Variants in BAZ1B observed in about 807,000 individuals in gnomAD.
BAZ1B encodes tyrosine-protein kinase BAZ1B.
In BAZ1B, 22 loss-of-function variants were observed where a neutral mutation model predicts 153.8. The observed-to-expected ratio is 0.14, with a 90% CI of 0.10 to 0.20. The LOEUF is 0.20. BAZ1B is among the 10% of genes least tolerant of loss of function. The probability of loss-of-function intolerance (pLI) is 1.00; values close to 1 mark genes in which losing one functional copy is unlikely to be tolerated. For synonymous variants in BAZ1B, 676 were observed against 633.4 expected (o/e 1.07, Z -1.01); for missense variants, 1,325 against 1,799.3 (o/e 0.74, Z 4.77).
intron 13 of BAZ1B, among the ~76,000 whole-genome samples, chr7:73,455,365 G>C (rs570700101): frequency 1.3e-5 from 2 of 152,192 alleles, no homozygotes; most frequent in African/African-American, 4.8e-5. Context: ...ATAATGTAAT[G>C]TTCTCAAATT....
intron 1 of BAZ1B, among the ~76,000 whole-genome samples, chr7:73,511,157 A>G (rs561930006): frequency 6.6e-6 from 1 of 152,116 alleles, no homozygotes; most frequent in South Asian, 2.1e-4. Flanking sequence ...AGTCCCAGCT[A>G]CTCAGGAGGC....
At chr7:73,470,617 ATC>A in intron 7 of BAZ1B, 134 bp from the exon 8 acceptor site, 6 of 1,071,778 alleles carry the variant, frequency 5.6e-6, no homozygotes, top group Non-Finnish European at 7.8e-6. Context: ...TCTAATTCTA[ATC>A]TGTTACAAGA....
Position 73,442,956 on chromosome 7 carries a change from G to A in BAZ1B, c.3991-128C>T, listed in dbSNP as rs1787684140. ...ACTATTTCCTTGGCGCAGAGGTGCTGAAACCTTCTGATATTCAAGTCAGGG... is the reference window on the plus strand; with the variant it reads ...ACTATTTCCTTGGCGCAGAGGTGCTAAAACCTTCTGATATTCAAGTCAGGG... On this transcript the variant is annotated intron_variant, in intron 17 of 19. Coordinates refer to ENST00000339594, the MANE Select transcript of BAZ1B (RefSeq NM_032408.4). 10 of 718,910 alleles carry A rather than the reference G, an allele frequency of 1.4e-5. No homozygotes were observed. In the East Asian group the frequency reaches 2.8e-4, roughly 20 times the overall value. 44.5% of individuals were successfully genotyped at this position (718,910 alleles called of 1,614,324 possible).
chr7:73,499,075 A>C (rs1394366446), intron 3 of BAZ1B, among the ~76,000 whole-genome samples: 1 of 152,034 alleles, frequency 6.6e-6, no homozygotes, highest in Non-Finnish European at 1.5e-5. Flanking sequence ...ACCCAGGCTG[A>C]AGTGCAGTGG....
intron 1 of BAZ1B, among the ~76,000 whole-genome samples, chr7:73,511,387 G>T (rs901957349): frequency 1.3e-5 from 2 of 152,076 alleles, no homozygotes; most frequent in Non-Finnish European, 2.9e-5. Context: ...GGGATTTACA[G>T]ACTGGGATGA....
chr7:73,450,788 T>C lies in BAZ1B; in HGVS notation c.3580+59A>G. On this transcript the variant is annotated intron_variant, in intron 14 of 19. Transcript: ENST00000339594. This position sits in a 1 kb window ranked among gnomAD's most constrained non-coding sequence, Gnocchi z 4.1. ...TTCTTTTGGGTAGAAATGAAGATCT[T>C]GGGAATAGAAATCCTACTCCCTAAT... 1 of 1,575,276 alleles carries C rather than the reference T, an allele frequency of 6.3e-7. No individual in the cohort carries two copies. Among genetic ancestry groups the C allele is most frequent in the Non-Finnish European group, 8.7e-7 (1 of 1,148,446 alleles).
chr7:73,504,819 C>T (rs181925881), intron 3 of BAZ1B, among the ~76,000 whole-genome samples: 418 of 152,222 alleles, frequency 2.7e-3, no homozygotes, highest in South Asian at 6.4e-3. Context: ...CACAGCAAGA[C>T]CCTGTCTCAA....
chr7:73,478,149 T>C lies in BAZ1B; in HGVS notation c.1312A>G (p.Met438Val). The C allele has an allele frequency of 6.2e-7, 1 of 1,614,196 alleles. No individual in the cohort carries two copies. Among genetic ancestry groups the C allele is most frequent in the Non-Finnish European group, 8.5e-7 (1 of 1,180,028 alleles). The change falls in exon 7 of 20, where the codon ATG (methionine) becomes GTG (valine). Residue 438 changes from methionine to valine, a missense_variant. Physicochemically the swap from Met to Val is conservative, Grantham distance 21. This residue lies in a region of BAZ1B where 219 missense variants were observed against 248.2 expected (regional missense o/e 0.88). Coordinates refer to ENST00000339594, the MANE Select transcript of BAZ1B (RefSeq NM_032408.4). The stretch of plus-strand genomic sequence containing the variant: ...CCTTTGGCCATATCCAACAAAGTCA[T>C]CTGCTTCATTTTGGTTTTAGGAGTC... ...LKTPKTKMKQ[M>V]TLLDMAKGTQ...
At position 73,477,210 on chromosome 7, in the gene BAZ1B, C is replaced by A. The variant is rs1448250510; in HGVS notation, c.2251G>T (p.Ala751Ser). ...GTCATGAGGATCCGGTGGCACAGTG[C>A]TGTCAAGATCTGTAGCTTCTCCTCT... The part of the protein sequence containing the change: ...TSEEKLQILT[A>S]LCHRILMTYS... Residue 751 changes from alanine to serine, a missense_variant, in exon 7 of 20, where the codon GCA becomes TCA. By Grantham distance (99) the Ala-to-Ser change is moderately conservative. This residue lies in a region of BAZ1B where 431 missense variants were observed against 563.5 expected (regional missense o/e 0.76). Coordinates refer to ENST00000339594, the MANE Select transcript of BAZ1B (RefSeq NM_032408.4). This position sits in a 1 kb window ranked among gnomAD's most constrained non-coding sequence, Gnocchi z 5.6. The A allele has an allele frequency of 1.2e-6, 2 of 1,614,230 alleles. No individual in the cohort carries two copies. The highest frequency in any genetic ancestry group is 2.2e-5 in the South Asian group (2 of 91,086).
chr7:73,489,495 A>C (rs1554575077), intron 5 of BAZ1B, 104 bp from the exon 6 acceptor site: 1 of 1,153,818 alleles, frequency 8.7e-7, no homozygotes, highest in African/African-American at 1.5e-5. Flanking sequence ...AATTCCATCT[A>C]TATCAACAGG....
chr7:73,470,269 T>C, intron 8 of BAZ1B, 76 bp downstream of exon 8: 3 of 1,436,108 alleles, frequency 2.1e-6, no homozygotes, highest in Non-Finnish European at 2.8e-6. Flanking sequence ...TCTATTCTTG[T>C]ACTTTAGAAA....
chr7:73,510,541 CTAAA>C (rs1468247836), intron 2 of BAZ1B, among the ~76,000 whole-genome samples, 191 bp downstream of exon 2: 3 of 152,184 alleles, frequency 2.0e-5, no homozygotes, highest in Non-Finnish European at 4.4e-5. Flanking sequence ...GCACCTATAA[CTAAA>C]TAAATATTCC....
chr7:73,487,475 C>G (rs1439880391), intron 6 of BAZ1B, among the ~76,000 whole-genome samples: 1 of 151,940 alleles, frequency 6.6e-6, no homozygotes, highest in Admixed American at 6.6e-5. Flanking sequence ...TTAGGAAACT[C>G]AAAAAATATT....
At chr7:73,454,240 A>C (rs1554569092) in intron 13 of BAZ1B, among the ~76,000 whole-genome samples, 1 of 152,152 alleles carries the variant, frequency 6.6e-6, no homozygotes, top group Admixed American at 6.6e-5. Flanking sequence ...GTGGGAGATC[A>C]CAAGCCTGGA....
Position 73,470,501 on chromosome 7 carries a change from A to G in BAZ1B, c.2594-18T>C, listed in dbSNP as rs782384658. 3.1e-6 allele frequency: 5 copies of G among 1,608,554 alleles called. No homozygotes were observed. The highest frequency in any genetic ancestry group is 2.5e-6 in the Non-Finnish European group (3 of 1,177,982). On this transcript the variant is annotated intron_variant, in intron 7 of 19. Coordinates refer to ENST00000339594, the MANE Select transcript of BAZ1B (RefSeq NM_032408.4). The stretch of plus-strand genomic sequence containing the variant: ...CAGTTTCACTGTTAAAAATAAAAAG[A>G]CTCAAATCAGATATTTTCCTAGTAA...
chr7:73,462,383 CA>C (rs1259237575), intron 12 of BAZ1B: 1 of 157,338 alleles, frequency 6.4e-6, no homozygotes, highest in Non-Finnish European at 1.4e-5. Context: ...TACTATTCAC[CA>C]ATCTTTGATA....
At position 73,522,234 on chromosome 7, in the gene BAZ1B, A is replaced by T. The variant is rs1563411395; in HGVS notation, c.-301T>A. 1 of 381,518 alleles carries T rather than the reference A, an allele frequency of 2.6e-6. No homozygotes were observed. Among genetic ancestry groups the T allele is most frequent in the Non-Finnish European group, 4.6e-6 (1 of 215,062 alleles). The allele number at this position is 381,518 out of a possible 1,614,324, so 23.6% of individuals were successfully genotyped here. A position where few individuals can be genotyped will look rare whatever the true frequency, so the allele number is the denominator to read the frequency against. On this transcript the variant is annotated 5_prime_UTR_variant, in exon 1 of 20. Coordinates refer to ENST00000339594, the MANE Select transcript of BAZ1B (RefSeq NM_032408.4). ...ACTCCTCCTCAGCAGCACCGGAGGA[A>T]ATTATTGAAAAATGGCGGGAGATTC...
At chr7:73,499,546 A>T (rs1790043528) in intron 3 of BAZ1B, among the ~76,000 whole-genome samples, 1 of 152,184 alleles carries the variant, frequency 6.6e-6, no homozygotes. Flanking sequence ...TACAAAATAA[A>T]ATAAAATTAG....
intron 4 of BAZ1B, among the ~76,000 whole-genome samples, chr7:73,495,741 G>GAA (rs1789851312): frequency 6.6e-6 from 1 of 152,218 alleles, no homozygotes; most frequent in Non-Finnish European, 1.5e-5. Flanking sequence ...CGACATGAAT[G>GAA]AAGCTGGAGG....
Sources: gnomAD v4.1 joint callset for allele counts (sites outside exome capture counted in the v4.1 genomes callset) on GRCh38, gnomAD v4.1.1 for gene constraint, gnomAD v4.1.1 regional missense constraint, Gnocchi (gnomAD v3.1) non-coding constraint, MANE v1.5 for transcripts, NCBI Gene and HGNC (gene_info 2026-07-23, HGNC 2026-07-21) for gene names.